Variants in PEX14 observed in about 807,000 individuals in gnomAD.
The protein encoded by PEX14 is peroxisomal membrane protein PEX14.
In PEX14, 15 loss-of-function variants were observed where a neutral mutation model predicts 49.5. The ratio of observed to expected loss-of-function variants is 0.30; its 90% CI spans 0.20 to 0.47. PEX14 has a LOEUF of 0.47. Ranked by LOEUF, PEX14 falls within the 20% of genes least tolerant of loss-of-function variation. The pLI is 1.00. For synonymous variants in PEX14, 210 were observed against 212.7 expected, an observed-to-expected ratio of 0.99 and a Z score of 0.11; for missense variants, 398 against 494.8, an observed-to-expected ratio of 0.80 and a Z score of 1.86.
chr1:10,595,339 C>T (rs915450443), intron 3 of PEX14, among the ~76,000 whole-genome samples: 32 of 152,220 alleles, frequency 2.1e-4, no homozygotes, highest in African/African-American at 7.2e-4. Context: ...GAAGCTCCCT[C>T]GTCCCTTTCT....
At chr1:10,612,058 TACC>T (rs1170687174) in intron 4 of PEX14, among the ~76,000 whole-genome samples, 1 of 152,236 alleles carries the variant, frequency 6.6e-6, no homozygotes. Flanking sequence ...TGTTTTTGTT[TACC>T]CCAAGGTTGC....
intron 3 of PEX14, among the ~76,000 whole-genome samples, chr1:10,570,968 C>G: frequency 6.7e-6 from 1 of 149,912 alleles, no homozygotes; most frequent in Non-Finnish European, 1.5e-5. Flanking sequence ...CTCACCTTAG[C>G]CTCCCAAATA....
Position 10,627,505 on chromosome 1 carries a change from C to G in PEX14, c.677+142C>G, listed in dbSNP as rs190669253. ...GGCGACTCAGGCACTGAGTCTGGGG[C>G]CTTTTGAGCTTCTCTCTTCATTCCC... On this transcript the variant is annotated intron_variant, in intron 8 of 8. Transcript: ENST00000356607. 323 of 676,588 alleles carry G rather than the reference C, an allele frequency of 4.8e-4. 2 individuals are homozygous for G. Among genetic ancestry groups the G allele is most frequent in the East Asian group, 3.2e-3 (117 of 36,512 alleles). 41.9% of individuals were successfully genotyped at this position (676,588 alleles called of 1,614,324 possible). A position where few individuals can be genotyped will look rare whatever the true frequency, so the allele number is the denominator to read the frequency against.
chr1:10,616,027 G>A (rs1362898825), intron 4 of PEX14, among the ~76,000 whole-genome samples: 1 of 152,206 alleles, frequency 6.6e-6, no homozygotes, highest in Non-Finnish European at 1.5e-5. Flanking sequence ...GCCCTATGTT[G>A]ATTACAGTTT....
intron 3 of PEX14, among the ~76,000 whole-genome samples, chr1:10,594,084 A>C (rs563702381): frequency 6.6e-6 from 1 of 152,268 alleles, no homozygotes; most frequent in South Asian, 2.1e-4. Flanking sequence ...TATACAAGGC[A>C]CTGGGAAATA....
At position 10,623,959 on chromosome 1, in the gene PEX14, C is replaced by T. The variant is rs1394529311; in HGVS notation, c.488-381C>T. On this transcript the variant is annotated intron_variant, in intron 6 of 8. Transcript: ENST00000356607. The surrounding 1 kb of genome is among the most constrained non-coding windows in gnomAD (Gnocchi z 4.4). ...GTGAATGTGGCGGGGACCTGAGATG[C>T]ATCTCTCCCAGCATTGGAGACCCCA... 2.6e-5 allele frequency among the ~76,000 whole-genome samples: 4 copies of T among 152,140 alleles called. No homozygotes were observed. The highest frequency in any genetic ancestry group is 1.5e-5 in the Non-Finnish European group (1 of 68,022).
At chr1:10,561,055 A>G (rs1022168063) in intron 3 of PEX14, among the ~76,000 whole-genome samples, 1 of 152,050 alleles carries the variant, frequency 6.6e-6, no homozygotes, top group African/African-American at 2.4e-5. Context: ...CTCTACACAC[A>G]CACATATACA....
Position 10,604,876 on chromosome 1 carries a change from G to T in PEX14, c.298+5510G>T, listed in dbSNP as rs368052799. Among the ~76,000 whole-genome samples the T allele has an allele frequency of 7.4e-4, 112 of 152,202 alleles. No individual in the cohort carries two copies. The East Asian group carries it at 0.012, about 17-fold the overall frequency. ...GAGGTTAGTTAGGGGAGACATGGGT[G>T]GGGGGGCATCAGCCGGAGGCCATTG... On this transcript the variant is annotated intron_variant, in intron 4 of 8. Transcript: ENST00000356607.
At chr1:10,599,468 A>G (rs1364176445) in intron 4 of PEX14, 102 bp downstream of exon 4, 20 of 1,353,420 alleles carry the variant, frequency 1.5e-5, no homozygotes, top group South Asian at 5.8e-5. Flanking sequence ...ACCAGGAGAA[A>G]CTGGGAGCAG....
intron 5 of PEX14, among the ~76,000 whole-genome samples, chr1:10,619,352 T>C (rs1035277567): frequency 2.0e-5 from 3 of 150,380 alleles, no homozygotes; most frequent in African/African-American, 4.9e-5. Context: ...AGTCTCGCTC[T>C]GTCACCTAGG....
In PEX14 at chr1:10,603,821, A is replaced by T. The variant is rs114313093; in HGVS notation, c.298+4455A>T. ...TCTTAGATTTGAACATTTTCCCTCC[A>T]CTGTCTTTGATAAACAATTTAAACC... On this transcript the variant is annotated intron_variant, in intron 4 of 8. Coordinates refer to ENST00000356607, the MANE Select transcript of PEX14 (RefSeq NM_004565.3). 4.3e-3 allele frequency among the ~76,000 whole-genome samples: 651 copies of T among 152,310 alleles called. 5 individuals are homozygous for T. Among genetic ancestry groups the T allele is most frequent in the African/African-American group, 0.015 (611 of 41,574 alleles).
At chr1:10,479,316 G>T (rs1182407078) in intron 1 of PEX14, among the ~76,000 whole-genome samples, 2 of 152,138 alleles carry the variant, frequency 1.3e-5, no homozygotes, top group East Asian at 3.9e-4. Flanking sequence ...GGTTGAGGCT[G>T]CAGTGAGCGG....
intron 2 of PEX14, among the ~76,000 whole-genome samples, chr1:10,519,749 A>G (rs2124451466): frequency 6.6e-6 from 1 of 152,270 alleles, no homozygotes; most frequent in East Asian, 1.9e-4. Flanking sequence ...GAGAATATTC[A>G]TTTCTACTTA....
chr1:10,569,418 G>A (rs142954712), intron 3 of PEX14, among the ~76,000 whole-genome samples: 13 of 152,206 alleles, frequency 8.5e-5, no homozygotes, highest in Admixed American at 7.8e-4. Flanking sequence ...TGTTTTCTTG[G>A]TGCCATTTCT....
rs762930380 is a variant in PEX14, at chr1:10,613,972, G to A, written c.299-4360G>A. On this transcript the variant is annotated intron_variant, in intron 4 of 8. Transcript: ENST00000356607. The surrounding 1 kb of genome is among the most constrained non-coding windows in gnomAD (Gnocchi z 5.0). ...TCCTGCCCTTGTCTTTATACCTCCGGACATTCAGGGAGCCTGGTGGCGGGG... is the reference window on the plus strand; with the variant it reads ...TCCTGCCCTTGTCTTTATACCTCCGAACATTCAGGGAGCCTGGTGGCGGGG... Among the ~76,000 whole-genome samples, 1 of 152,200 alleles carries A rather than the reference G, an allele frequency of 6.6e-6. No individual in the cohort carries two copies. Among genetic ancestry groups the A allele is most frequent in the Non-Finnish European group, 1.5e-5 (1 of 68,026 alleles).
At chr1:10,509,097 C>T (rs149603887) in intron 2 of PEX14, among the ~76,000 whole-genome samples, 54 of 152,262 alleles carry the variant, frequency 3.5e-4, no homozygotes, top group African/African-American at 1.0e-3. Flanking sequence ...CCGCCACGTC[C>T]GGCTAATTTT....
intron 3 of PEX14, among the ~76,000 whole-genome samples, chr1:10,574,181 C>T (rs1321806090): frequency 2.0e-5 from 3 of 152,016 alleles, no homozygotes; most frequent in Non-Finnish European, 4.4e-5. Context: ...GAAACACATA[C>T]AAAAGGAAAT....
chr1:10,614,069 C>T (rs1377481099), intron 4 of PEX14, among the ~76,000 whole-genome samples: 3 of 152,220 alleles, frequency 2.0e-5, no homozygotes, highest in African/African-American at 7.2e-5. Flanking sequence ...AAATAGGCCC[C>T]AGGGTGGGGA....
rs781377585 is a variant in PEX14, at chr1:10,529,643, A to C, written c.85-6570A>C. Among the ~76,000 whole-genome samples the C allele has an allele frequency of 1.3e-5, 2 of 152,266 alleles. No individual in the cohort carries two copies. Among genetic ancestry groups the C allele is most frequent in the Non-Finnish European group, 2.9e-5 (2 of 68,052 alleles). ...TGTGCATGTGAAGTTGCCACTTTTC[A>C]TAAAGGCTTTTACTACATATATCAA... On this transcript the variant is annotated intron_variant, in intron 2 of 8. Coordinates refer to ENST00000356607, the MANE Select transcript of PEX14 (RefSeq NM_004565.3). This position sits in a 1 kb window ranked among gnomAD's most constrained non-coding sequence, Gnocchi z 4.2.
Sources: gnomAD v4.1 joint callset for allele counts (sites outside exome capture counted in the v4.1 genomes callset) on GRCh38, gnomAD v4.1.1 for gene constraint, Gnocchi (gnomAD v3.1) non-coding constraint, MANE v1.5 for transcripts, NCBI Gene and HGNC (gene_info 2026-07-23, HGNC 2026-07-21) for gene names.